The following BEND6 variants were observed in gnomAD, a reference collection of about 807,000 sequenced individuals.
The protein encoded by BEND6 is BEN domain containing 6, also known as BEN domain-containing protein 6.
In BEND6, 24 loss-of-function variants were observed where a neutral mutation model predicts 31.8. That is an observed-to-expected ratio of 0.75 (90% CI 0.55 to 1.06). BEND6 has a LOEUF of 1.06. BEND6 is among the 50% of genes least tolerant of loss of function. The pLI is 0.00. For synonymous variants in BEND6, 109 were observed against 114.6 expected (o/e 0.95, Z 0.31); for missense variants, 294 against 327.4 (o/e 0.90, Z 0.79).
At chr6:57,004,491 G>T in intron 3 of BEND6, 1 of 673,506 alleles carries the variant, frequency 1.5e-6, no homozygotes, top group East Asian at 2.9e-5. Context: ...ACCGTCCCAA[G>T]GCCTCTGCCG....
At chr6:56,995,793 C>T (rs1593002951) in intron 3 of BEND6, among the ~76,000 whole-genome samples, 1 of 152,152 alleles carries the variant, frequency 6.6e-6, no homozygotes, top group African/African-American at 2.4e-5. Flanking sequence ...AGGTCACATT[C>T]TGAGGTAATA....
chr6:56,997,101 C>A (rs944170198), intron 3 of BEND6, among the ~76,000 whole-genome samples: 9 of 152,124 alleles, frequency 5.9e-5, no homozygotes, highest in African/African-American at 2.2e-4. Flanking sequence ...TACTCTTCAT[C>A]CTCTCCTTCT....
In BEND6 at chr6:57,008,117, AGTACCTTCAAGGCCTGTCTACTGTG is replaced by A. The variant is rs1827224012; in HGVS notation, c.299-7010_299-6986del. ...TGCTAAGTCTGATTAAAAGGGCCCC[AGTACCTTCAAGGCCTGTCTACTGTG>A]GTACCGGAGTGATTATTTCTATCTT... On this transcript the variant is annotated intron_variant, in intron 3 of 6. Transcript: ENST00000370746. 13 of 698,558 alleles carry A rather than the reference AGTACCTTCAAGGCCTGTCTACTGTG, an allele frequency of 1.9e-5. No homozygotes were observed. In the South Asian group the frequency reaches 2.0e-4, roughly 11 times the overall value. The allele number at this position is 698,558 out of a possible 1,614,324, so 43.3% of individuals were successfully genotyped here. A position where few individuals can be genotyped will look rare whatever the true frequency, so the allele number is the denominator to read the frequency against.
chr6:56,996,387 C>T (rs1199450714), intron 3 of BEND6, among the ~76,000 whole-genome samples: 1 of 152,076 alleles, frequency 6.6e-6, no homozygotes. Flanking sequence ...GTTGAGGTGG[C>T]AGTGAGCTGA....
intron 2 of BEND6, 134 bp from the exon 3 acceptor site, chr6:56,992,243 TG>T: frequency 1.0e-6 from 1 of 968,160 alleles, no homozygotes; most frequent in Non-Finnish European, 1.5e-6. Context: ...AGGACAAAGC[TG>T]GGGCTAGATC....
chr6:57,009,816 A>G (rs376269819), intron 3 of BEND6: 22 of 152,338 alleles, frequency 1.4e-4, no homozygotes, highest in East Asian at 5.8e-4. Context: ...GTGGTATTCA[A>G]AAAAGAAGAA....
intron 1 of BEND6, among the ~76,000 whole-genome samples, chr6:56,963,878 C>A (rs1035008225): frequency 6.8e-6 from 1 of 146,948 alleles, no homozygotes; most frequent in African/African-American, 2.5e-5. Context: ...TAAAATACTA[C>A]TATTAAATTA....
At chr6:56,990,738 C>A (rs1269743212) in intron 2 of BEND6, among the ~76,000 whole-genome samples, 1 of 152,162 alleles carries the variant, frequency 6.6e-6, no homozygotes, top group Admixed American at 6.6e-5. Flanking sequence ...TATTAGGTTA[C>A]CAAAATGTCT....
chr6:56,988,268 G>A (rs181637645), intron 2 of BEND6, among the ~76,000 whole-genome samples: 111 of 151,960 alleles, frequency 7.3e-4, no homozygotes, highest in African/African-American at 2.4e-3. Context: ...CGCCAGCCAC[G>A]GCCTCCCAAA....
chr6:56,986,356 T>C (rs1289766356), intron 2 of BEND6, among the ~76,000 whole-genome samples: 1 of 152,082 alleles, frequency 6.6e-6, no homozygotes, highest in African/African-American at 2.4e-5. Flanking sequence ...GAGGACTGCT[T>C]GAGCCCAGGA....
rs1204410627 is a variant in BEND6 at position 56,981,853 on chromosome 6, G to C, written c.43G>C (p.Ala15Pro). 1 of 1,612,674 alleles carries C rather than the reference G, an allele frequency of 6.2e-7. No individual in the cohort carries two copies. Among genetic ancestry groups the C allele is most frequent in the African/African-American group, 1.3e-5 (1 of 74,826 alleles). The stretch of plus-strand genomic sequence containing the variant: ...GACAGATGAAATTACCAATACACAA[G>C]CTTTTAGAAAAGGAAAGAGGAAAAG... ...VQTDEITNTQ[A>P]FRKGKRKRTE... is the part of the protein sequence containing the mutation. Residue 15 changes from alanine (A) to proline (P), a missense_variant, in exon 2 of 7, where the codon GCT becomes CCT. Physicochemically the swap from Ala to Pro is conservative, Grantham distance 27. Coordinates refer to ENST00000370746, the MANE Select transcript of BEND6 (RefSeq NM_152731.3).
intron 3 of BEND6, among the ~76,000 whole-genome samples, chr6:57,007,091 AC>A (rs758908966): frequency 4.6e-5 from 7 of 152,060 alleles, no homozygotes; most frequent in Non-Finnish European, 1.0e-4. Flanking sequence ...GGAGTTCGAG[AC>A]CACCCTGGGC....
At chr6:56,967,993 A>T (rs1159811855) in intron 1 of BEND6, among the ~76,000 whole-genome samples, 1 of 152,212 alleles carries the variant, frequency 6.6e-6, no homozygotes, top group East Asian at 1.9e-4. Context: ...CACCTTATAT[A>T]TACTAAATAT....
chr6:56,972,334 G>A (rs895503249), intron 1 of BEND6, among the ~76,000 whole-genome samples: 3 of 151,852 alleles, frequency 2.0e-5, no homozygotes, highest in Non-Finnish European at 2.9e-5. Context: ...AGCTCAAGTG[G>A]TCTACCCATC....
At chr6:56,968,144 A>G (rs572080077) in intron 1 of BEND6, among the ~76,000 whole-genome samples, 11 of 152,280 alleles carry the variant, frequency 7.2e-5, no homozygotes, top group Non-Finnish European at 4.4e-5. Context: ...AAAACACATG[A>G]TATCACTGCT....
At chr6:56,976,780 G>A (rs1164219254) in intron 1 of BEND6, among the ~76,000 whole-genome samples, 1 of 151,360 alleles carries the variant, frequency 6.6e-6, no homozygotes, top group Non-Finnish European at 1.5e-5. Context: ...GGCCAAGCTG[G>A]CCTTGAATTA....
chr6:56,976,601 G>A (rs9357934), intron 1 of BEND6, among the ~76,000 whole-genome samples: 109,028 of 151,528 alleles, frequency 0.72, 39,888 homozygotes, highest in South Asian at 0.89. Flanking sequence ...GTCTTGCTCT[G>A]TCACTCAGGC....
chr6:56,961,902 C>T (rs1825299365), intron 1 of BEND6, among the ~76,000 whole-genome samples: 4 of 152,160 alleles, frequency 2.6e-5, no homozygotes, highest in Admixed American at 2.0e-4. Flanking sequence ...TTCACCTACT[C>T]GTTGTTTCTA....
At chr6:56,961,315 T>C (rs1452469812) in intron 1 of BEND6, among the ~76,000 whole-genome samples, 1 of 152,186 alleles carries the variant, frequency 6.6e-6, no homozygotes, top group Non-Finnish European at 1.5e-5. Context: ...TAGATAAGTC[T>C]CCCAAGTGCA....
Sources: allele counts gnomAD v4.1 joint callset (sites outside exome capture counted in the v4.1 genomes callset), GRCh38; gene constraint gnomAD v4.1.1; transcripts MANE v1.5; gene names NCBI Gene and HGNC (gene_info 2026-07-23, HGNC 2026-07-21).